Variants in SLC35D4 observed in about 807,000 individuals in gnomAD.
The protein encoded by SLC35D4 is UDP-N-acetylglucosamine transporter SLC35D4.
the SLC35D4 span, among the ~76,000 whole-genome samples, chr18:23,246,620 T>G: frequency 1.3e-5 from 2 of 151,778 alleles, no homozygotes; most frequent in Non-Finnish European, 2.9e-5. Flanking sequence ...CTCGATCTCC[T>G]GACCTTGTGA....
chr18:23,403,838 T>G, the SLC35D4 span, among the ~76,000 whole-genome samples: 2 of 152,252 alleles, frequency 1.3e-5, no homozygotes, highest in Non-Finnish European at 2.9e-5. Context: ...GTCTTACATT[T>G]GGTTTTACTG....
chr18:23,282,690 TG>T, the SLC35D4 span, among the ~76,000 whole-genome samples: 2 of 150,416 alleles, frequency 1.3e-5, no homozygotes, highest in African/African-American at 4.9e-5. Flanking sequence ...GGGGTGGGAG[TG>T]GGGGGCAATG....
At chr18:23,337,510 G>A in the SLC35D4 span, among the ~76,000 whole-genome samples, 8 of 151,724 alleles carry the variant, frequency 5.3e-5, no homozygotes, top group African/African-American at 1.9e-4. Flanking sequence ...TAGAAGTCAT[G>A]AAATCTGTGT....
chr18:23,255,195 C>T, the SLC35D4 span, among the ~76,000 whole-genome samples: 1 of 152,036 alleles, frequency 6.6e-6, no homozygotes, highest in Admixed American at 6.6e-5. Flanking sequence ...ATTTGAAGAG[C>T]AAAAGGGGTC....
chr18:23,349,288 G>T, the SLC35D4 span, among the ~76,000 whole-genome samples: 2 of 152,068 alleles, frequency 1.3e-5, no homozygotes, highest in Admixed American at 1.3e-4. Flanking sequence ...TGCTATATTT[G>T]ATGTCTCACA....
At chr18:23,323,358 A>G in the SLC35D4 span, among the ~76,000 whole-genome samples, 1 of 152,218 alleles carries the variant, frequency 6.6e-6, no homozygotes, top group African/African-American at 2.4e-5. Flanking sequence ...ACACTTCCTT[A>G]TAACATTCAA....
the SLC35D4 span, among the ~76,000 whole-genome samples, chr18:23,320,866 T>C: frequency 6.6e-6 from 1 of 152,220 alleles, no homozygotes; most frequent in African/African-American, 2.4e-5. Context: ...CAACTGTCTT[T>C]AGGGGAAGAC....
the SLC35D4 span, chr18:23,258,409 G>A: frequency 0.013 from 1,936 of 152,424 alleles, 24 homozygotes; most frequent in Non-Finnish European, 0.02. Context: ...GACAAACTGC[G>A]TTTGGAGCTG....
At chr18:23,426,107 A>T in the SLC35D4 span, among the ~76,000 whole-genome samples, 1 of 152,260 alleles carries the variant, frequency 6.6e-6, no homozygotes, top group African/African-American at 2.4e-5. Context: ...ACAAGGATTA[A>T]AACTTGAATA....
At chr18:23,260,907 A>G in the SLC35D4 span, among the ~76,000 whole-genome samples, 5 of 152,198 alleles carry the variant, frequency 3.3e-5, no homozygotes, top group Non-Finnish European at 7.3e-5. Flanking sequence ...CAAAGCTGGA[A>G]AAGAAGAAAA....
At chr18:23,430,247 T>C in the SLC35D4 span, among the ~76,000 whole-genome samples, 104 of 930 alleles carry the variant, frequency 0.11, no homozygotes, top group African/African-American at 0.29. Flanking sequence ...TTCTTTTTTA[T>C]TTTTTTTTTG....
chr18:23,394,872 A>G, the SLC35D4 span, among the ~76,000 whole-genome samples: 1 of 149,532 alleles, frequency 6.7e-6, no homozygotes, highest in African/African-American at 2.5e-5. Flanking sequence ...AACCCCAGCT[A>G]GTCGGGAGGC....
the SLC35D4 span, among the ~76,000 whole-genome samples, chr18:23,377,994 C>G: frequency 6.6e-6 from 1 of 151,708 alleles, no homozygotes; most frequent in Non-Finnish European, 1.5e-5. Context: ...TAGATGTAAC[C>G]TGTATTTTAA....
chr18:23,399,647 T>C, the SLC35D4 span: 1 of 1,613,400 alleles, frequency 6.2e-7, no homozygotes, highest in Non-Finnish European at 8.5e-7. Flanking sequence ...GAACATGAGA[T>C]CTGAAAAGAG....
chr18:23,420,094 G>A, the SLC35D4 span, among the ~76,000 whole-genome samples: 8 of 151,864 alleles, frequency 5.3e-5, no homozygotes, highest in Non-Finnish European at 1.2e-4. Flanking sequence ...ACCTGAGGTC[G>A]GGAGTTCAAG....
chr18:23,421,406 G>T, the SLC35D4 span: 1 of 1,614,008 alleles, frequency 6.2e-7, no homozygotes, highest in Non-Finnish European at 8.5e-7. Flanking sequence ...CAGTTTCCAG[G>T]ACACATGAAG....
At chr18:23,328,011 T>G in the SLC35D4 span, among the ~76,000 whole-genome samples, 7 of 152,206 alleles carry the variant, frequency 4.6e-5, no homozygotes, top group African/African-American at 1.7e-4. Flanking sequence ...CAACGCTTCA[T>G]GCTAAAAACT....
chr18:23,420,352 A>T, the SLC35D4 span, among the ~76,000 whole-genome samples: 1 of 152,010 alleles, frequency 6.6e-6, no homozygotes, highest in Non-Finnish European at 1.5e-5. Context: ...AGGGGAGTTC[A>T]TTGTATTATT....
the SLC35D4 span, among the ~76,000 whole-genome samples, chr18:23,427,095 G>A: frequency 6.6e-6 from 1 of 152,142 alleles, no homozygotes; most frequent in Non-Finnish European, 1.5e-5. Flanking sequence ...TACCATTCAG[G>A]ACATAGGCAT....
Sources: gnomAD v4.1 joint callset for allele counts (sites outside exome capture counted in the v4.1 genomes callset) on GRCh38, gnomAD v4.1.1 for gene constraint, MANE v1.5 for transcripts, NCBI Gene and HGNC (gene_info 2026-07-23, HGNC 2026-07-21) for gene names.